LARGE1: variants seen among roughly 807,000 people sequenced by gnomAD.
LARGE1 encodes xylosyl- and glucuronyltransferase LARGE1.
In LARGE1, 43 loss-of-function variants were observed where a neutral mutation model predicts 87.6. The observed-to-expected ratio is 0.49, with a 90% CI of 0.38 to 0.63. The LOEUF is 0.63. LARGE1 is among the 30% of genes least tolerant of loss of function. LARGE1 has a pLI of 0.00. For synonymous variants in LARGE1, 434 were observed against 394.6 expected, an observed-to-expected ratio of 1.10 and a Z score of -1.18; for missense variants, 802 against 1,000.2, an observed-to-expected ratio of 0.80 and a Z score of 2.67.
intron 9 of LARGE1, among the ~76,000 whole-genome samples, chr22:33,376,911 T>G (rs2065011790): frequency 6.6e-6 from 1 of 152,160 alleles, no homozygotes; most frequent in African/African-American, 2.4e-5. Context: ...CCACTTAAAC[T>G]TCCTTATTGC....
intron 1 of LARGE1, among the ~76,000 whole-genome samples, chr22:33,800,562 AC>A (rs1364857091): frequency 1.3e-5 from 2 of 152,056 alleles, no homozygotes; most frequent in African/African-American, 4.8e-5. Context: ...CTCACACCCC[AC>A]CCTAGTCCCT....
chr22:33,289,991 AG>A (rs1375284404), intron 12 of LARGE1, among the ~76,000 whole-genome samples: 1 of 152,128 alleles, frequency 6.6e-6, no homozygotes, highest in African/African-American at 2.4e-5. Flanking sequence ...ATGAAGGGGT[AG>A]GGGTGGGTGC....
intron 7 of LARGE1, among the ~76,000 whole-genome samples, chr22:33,387,262 T>C (rs553152415): frequency 7.8e-6 from 1 of 127,674 alleles, no homozygotes; most frequent in African/African-American, 2.6e-5. Context: ...CCACCTCTAC[T>C]AAAAATACAA....
the LARGE1 span, among the ~76,000 whole-genome samples, chr22:33,148,582 A>G: frequency 2.6e-5 from 4 of 152,174 alleles, no homozygotes; most frequent in African/African-American, 9.7e-5. Flanking sequence ...TTTTGCTAGG[A>G]TTCCCAGGAG....
In LARGE1 at chr22:33,360,060, T is replaced by A. The variant is rs971045497; in HGVS notation, c.1131+21859A>T. The stretch of plus-strand genomic sequence containing the variant: ...TGCTATAAAGAAATCACATCTGTAA[T>A]CCCTGCACTTTGGGAGACTGAGGTG... On this transcript the variant is annotated intron_variant, in intron 9 of 14. Transcript: ENST00000397394. 5.3e-5 allele frequency among the ~76,000 whole-genome samples: 8 copies of A among 149,768 alleles called. 1 individual carries two copies. Among genetic ancestry groups the A allele is most frequent in the African/African-American group, 2.0e-4 (8 of 40,712 alleles).
chr22:33,304,435 G>A lies in LARGE1; in HGVS notation c.1524C>T (p.Ala508=), dbSNP rs747233486. 8.1e-6 allele frequency: 13 copies of A among 1,613,980 alleles called. No individual in the cohort carries two copies. Among genetic ancestry groups the A allele is most frequent in the African/African-American group, 1.3e-5 (1 of 74,936 alleles). ...PISLALYLSD[A]EAQQFLRYAQ... Reference sequence around the variant, plus strand: ...CGTAGCGGAGGAACTGCTGGGCCTCGGCGTCTGACAGGTAGAGGGCCAGGC... The same window carrying A: ...CGTAGCGGAGGAACTGCTGGGCCTCAGCGTCTGACAGGTAGAGGGCCAGGC... The change falls in exon 12 of 15, where the codon GCC becomes GCT. Residue 508 remains alanine (A), a synonymous_variant. Coordinates refer to ENST00000397394, the MANE Select transcript of LARGE1 (RefSeq NM_133642.5).
intron 2 of LARGE1, among the ~76,000 whole-genome samples, chr22:33,753,147 G>GAGTC (rs1270224168): frequency 1.3e-5 from 2 of 152,148 alleles, no homozygotes; most frequent in Non-Finnish European, 2.9e-5. Flanking sequence ...TTGAACCAGG[G>GAGTC]AGTCGGAGGT....
At chr22:33,675,692 G>C (rs2081558638) in intron 2 of LARGE1, among the ~76,000 whole-genome samples, 1 of 152,130 alleles carries the variant, frequency 6.6e-6, no homozygotes, top group East Asian at 1.9e-4. Context: ...ACAATTTTGA[G>C]TCACCTGCCA....
chr22:33,207,689 C>G (rs1924754676), intron 11 of LARGE1, among the ~76,000 whole-genome samples: 1 of 152,098 alleles, frequency 6.6e-6, no homozygotes, highest in Non-Finnish European at 1.5e-5. Context: ...AGCCATTGCT[C>G]TATTTCTTTC....
At chr22:33,722,677 TATA>T (rs2083144510) in intron 2 of LARGE1, among the ~76,000 whole-genome samples, 1 of 151,724 alleles carries the variant, frequency 6.6e-6, no homozygotes, top group South Asian at 2.1e-4. Context: ...TGGAGGGAAG[TATA>T]ATGGCAAGAC....
chr22:33,304,138 C>A, intron 12 of LARGE1, 91 bp downstream of exon 12: 1 of 1,433,894 alleles, frequency 7.0e-7, no homozygotes, highest in East Asian at 2.3e-5. Flanking sequence ...ACCTGTTGGA[C>A]TAGATGATGA....
At chr22:33,198,964 A>G (rs760992328) in intron 11 of LARGE1, among the ~76,000 whole-genome samples, 2 of 152,196 alleles carry the variant, frequency 1.3e-5, no homozygotes, top group African/African-American at 2.4e-5. Context: ...TCCCACCAAC[A>G]GTGTATAAAT....
chr22:33,674,278 G>A (rs974188130), intron 2 of LARGE1, among the ~76,000 whole-genome samples: 1 of 152,020 alleles, frequency 6.6e-6, no homozygotes, highest in African/African-American at 2.4e-5. Context: ...AGCCCCTGGT[G>A]GACACCATTC....
At chr22:33,205,670 C>A (rs1285860875) in intron 11 of LARGE1, among the ~76,000 whole-genome samples, 2 of 152,040 alleles carry the variant, frequency 1.3e-5, no homozygotes, top group African/African-American at 4.8e-5. Flanking sequence ...AAGTTTCCAG[C>A]AAAAAAATTG....
At chr22:33,686,338 C>T (rs1171057544) in intron 2 of LARGE1, among the ~76,000 whole-genome samples, 4 of 151,848 alleles carry the variant, frequency 2.6e-5, no homozygotes, top group Admixed American at 1.3e-4. Context: ...ACCAGGGGTT[C>T]GAGACCAGAC....
intron 3 of LARGE1, among the ~76,000 whole-genome samples, chr22:33,636,968 G>T (rs373372559): frequency 1.3e-5 from 2 of 152,158 alleles, no homozygotes; most frequent in Non-Finnish European, 2.9e-5. Context: ...TAAGCTGAAC[G>T]TTCTATATCT....
At chr22:33,705,249 T>C (rs1274648124) in intron 2 of LARGE1, among the ~76,000 whole-genome samples, 1 of 152,218 alleles carries the variant, frequency 6.6e-6, no homozygotes, top group Non-Finnish European at 1.5e-5. Context: ...TTCAACAGCG[T>C]TGTCATGAAC....
At chr22:33,290,570 G>C (rs925491935) in intron 12 of LARGE1, among the ~76,000 whole-genome samples, 4 of 152,292 alleles carry the variant, frequency 2.6e-5, no homozygotes, top group African/African-American at 9.6e-5. Context: ...AAAATAAAAC[G>C]TGTGCCATGG....
chr22:33,537,008 A>G (rs2077062263), intron 6 of LARGE1, among the ~76,000 whole-genome samples: 1 of 152,242 alleles, frequency 6.6e-6, no homozygotes, highest in African/African-American at 2.4e-5. Flanking sequence ...ATGGGGTTTC[A>G]CCATGCTGGT....
Sources: gnomAD v4.1 joint callset for allele counts (sites outside exome capture counted in the v4.1 genomes callset) on GRCh38, gnomAD v4.1.1 for gene constraint, MANE v1.5 for transcripts, NCBI Gene and HGNC (gene_info 2026-07-23, HGNC 2026-07-21) for gene names.